RIOK1: variants seen among roughly 807,000 people sequenced by gnomAD.
RIOK1 encodes the protein serine/threonine-protein kinase RIO1.
RIOK1 carries 66 observed loss-of-function variants against 73.5 expected under a neutral mutation model. The ratio of observed to expected loss-of-function variants is 0.90; its 90% CI spans 0.74 to 1.10. The LOEUF is 1.10. Among genes scored for constraint, RIOK1 ranks in the 50% least tolerant of loss-of-function variants. The pLI is 0.00. For missense variants in RIOK1, 658 were observed against 699.8 expected, an observed-to-expected ratio of 0.94 and a Z score of 0.67; for synonymous variants, 224 against 226.8, an observed-to-expected ratio of 0.99 and a Z score of 0.11.
chr6:7,399,891 T>G (rs952535579), intron 5 of RIOK1, among the ~76,000 whole-genome samples: 4 of 152,200 alleles, frequency 2.6e-5, no homozygotes, highest in African/African-American at 9.7e-5. Flanking sequence ...AACCTTAGGT[T>G]TGTGGTGTGA....
chr6:7,410,921 G>A (rs1252479271), intron 13 of RIOK1, among the ~76,000 whole-genome samples: 1 of 152,040 alleles, frequency 6.6e-6, no homozygotes, highest in Non-Finnish European at 1.5e-5. Flanking sequence ...TGTGTTTGTC[G>A]GCAGCTCTCC....
In RIOK1 at chr6:7,417,583, C is replaced by T. The variant is rs546929201; in HGVS notation, c.*142C>T. The T allele has an allele frequency of 1.4e-3, 723 of 510,782 alleles. 2 individuals are homozygous for T. The highest frequency in any genetic ancestry group is 7.1e-3 in the Middle Eastern group (25 of 3,512). 31.6% of individuals were successfully genotyped at this position (510,782 alleles called of 1,614,324 possible). On this transcript the variant is annotated 3_prime_UTR_variant, in exon 17 of 17. Transcript: ENST00000379834. Reference sequence around the variant, plus strand: ...CTGTGAAGACGGATTCAAATGTTTTCATGTAACTATGTAAAAAGCTCTAAG... The same window carrying T: ...CTGTGAAGACGGATTCAAATGTTTTTATGTAACTATGTAAAAAGCTCTAAG...
intron 16 of RIOK1, among the ~76,000 whole-genome samples, chr6:7,414,618 C>G (rs1761956854): frequency 6.6e-6 from 1 of 152,122 alleles, no homozygotes; most frequent in African/African-American, 2.4e-5. Context: ...AGAGCACGCA[C>G]TAAATTCAGT....
At chr6:7,416,878 A>C (rs987355654) in intron 16 of RIOK1, among the ~76,000 whole-genome samples, 5 of 151,524 alleles carry the variant, frequency 3.3e-5, no homozygotes, top group African/African-American at 9.7e-5. Flanking sequence ...ACCCATAATC[A>C]TTTTCTTTTC....
chr6:7,398,725 A>G lies in RIOK1; in HGVS notation c.465A>G (p.Arg155=). 1 of 1,612,568 alleles carries G rather than the reference A, an allele frequency of 6.2e-7. No homozygotes were observed. Among genetic ancestry groups the G allele is most frequent in the Non-Finnish European group, 8.5e-7 (1 of 1,178,930 alleles). ...DMYRIKDKAD[R]ATVEQVLDPR... is the part of the protein sequence containing the mutation. ...ATCGCATCAAAGATAAGGCAGACAG[A>G]GCAACTGTAGAACAGGTACAATTTA... Residue 155 remains arginine, a synonymous_variant, in exon 5 of 17, where the codon AGA becomes AGG. Coordinates refer to ENST00000379834, the MANE Select transcript of RIOK1 (RefSeq NM_031480.3).
intron 4 of RIOK1, among the ~76,000 whole-genome samples, chr6:7,397,324 T>C (rs1287921109): frequency 1.3e-5 from 2 of 152,208 alleles, no homozygotes; most frequent in Non-Finnish European, 2.9e-5. Context: ...AAAAGTGTAA[T>C]CTCATGAAAT....
chr6:7,403,113 A>G (rs1761654491), intron 8 of RIOK1, among the ~76,000 whole-genome samples: 1 of 152,242 alleles, frequency 6.6e-6, no homozygotes, highest in African/African-American at 2.4e-5. Flanking sequence ...AATCCATTTC[A>G]AAAGAATACT....
At chr6:7,393,536 T>G (rs1475637465) in intron 2 of RIOK1, among the ~76,000 whole-genome samples, 1 of 152,236 alleles carries the variant, frequency 6.6e-6, no homozygotes, top group South Asian at 2.1e-4. Flanking sequence ...ATAAAGATTG[T>G]GAGCTTAAAA....
chr6:7,403,358 C>T (rs893918767), intron 8 of RIOK1, among the ~76,000 whole-genome samples: 1 of 152,170 alleles, frequency 6.6e-6, no homozygotes, highest in Admixed American at 6.6e-5. Flanking sequence ...TTTCTTAGTC[C>T]AGTTTTGGAC....
At chr6:7,394,947 C>G in intron 2 of RIOK1, 106 bp from the exon 3 acceptor site, 1 of 1,516,038 alleles carries the variant, frequency 6.6e-7, no homozygotes, top group Non-Finnish European at 9.0e-7. Context: ...AGATACTCCT[C>G]TAAGTATTGA....
chr6:7,410,602 A>G, intron 13 of RIOK1, 151 bp downstream of exon 13: 1 of 601,720 alleles, frequency 1.7e-6, no homozygotes. Flanking sequence ...ATAGTAAATG[A>G]TTTAAGTGAG....
intron 8 of RIOK1, 67 bp from the exon 9 acceptor site, chr6:7,403,874 C>G (rs1169675088): frequency 2.0e-6 from 2 of 991,366 alleles, no homozygotes; most frequent in African/African-American, 3.2e-5. Flanking sequence ...TTGGGACCTG[C>G]AGTTGTAATT....
At chr6:7,397,214 A>C (rs1761496704) in intron 4 of RIOK1, among the ~76,000 whole-genome samples, 1 of 152,206 alleles carries the variant, frequency 6.6e-6, no homozygotes, top group Non-Finnish European at 1.5e-5. Context: ...CAGTGAGCCA[A>C]GATCGTGCCA....
rs114626881 is a variant in RIOK1, at chr6:7,393,262, C to A, written c.235C>A (p.Leu79Ile). The A allele has an allele frequency of 6.2e-7, 1 of 1,614,058 alleles. No homozygotes were observed. Among genetic ancestry groups the A allele is most frequent in the Admixed American group, 1.7e-5 (1 of 60,012 alleles). Residue 79 changes from leucine (L) to isoleucine (I), a missense_variant, in exon 2 of 17, where the codon CTC (leucine) becomes ATC (isoleucine). Leu to Ile is a conservative substitution (Grantham distance 5). Coordinates refer to ENST00000379834, the MANE Select transcript of RIOK1 (RefSeq NM_031480.3). Reference sequence around the variant, plus strand: ...GGACTGGGATGAAGGAGTTGGAAAACTCGCCAAGGGTTATGTCTGGAATGG... The same window carrying A: ...GGACTGGGATGAAGGAGTTGGAAAAATCGCCAAGGGTTATGTCTGGAATGG... ...DWDWDEGVGKLAKGYVWNGGS... is the reference protein window; with the variant it reads ...DWDWDEGVGKIAKGYVWNGGS...
intron 13 of RIOK1, 121 bp downstream of exon 13, chr6:7,410,572 AT>A: frequency 1.5e-6 from 1 of 645,174 alleles, no homozygotes; most frequent in South Asian, 2.0e-5. Flanking sequence ...AATGATGGTA[AT>A]ATTTCCTTAA....
intron 1 of RIOK1, 181 bp from the exon 2 acceptor site, chr6:7,392,918 A>G (rs1212284921): frequency 4.8e-5 from 47 of 984,894 alleles, no homozygotes; most frequent in Admixed American, 6.1e-5. Flanking sequence ...CAACTGCAAC[A>G]GAACTGGAAA....
chr6:7,407,097 G>A (rs375717829), intron 12 of RIOK1, among the ~76,000 whole-genome samples: 34 of 152,340 alleles, frequency 2.2e-4, no homozygotes, highest in African/African-American at 7.5e-4. Context: ...CTATGAACAT[G>A]GATGTATAAA....
At chr6:7,410,849 GA>G (rs1457909471) in intron 13 of RIOK1, among the ~76,000 whole-genome samples, 2 of 151,992 alleles carry the variant, frequency 1.3e-5, no homozygotes, top group Non-Finnish European at 2.9e-5. Context: ...TTTTGTGAAG[GA>G]GCCATAGTAG....
At chr6:7,400,436 C>T (rs1423278625) in intron 5 of RIOK1, among the ~76,000 whole-genome samples, 1 of 152,166 alleles carries the variant, frequency 6.6e-6, no homozygotes, top group Non-Finnish European at 1.5e-5. Flanking sequence ...GAGATGTGGC[C>T]AGTCTGAATT....
Sources: allele counts gnomAD v4.1 joint callset (sites outside exome capture counted in the v4.1 genomes callset), GRCh38; gene constraint gnomAD v4.1.1; transcripts MANE v1.5; gene names NCBI Gene and HGNC (gene_info 2026-07-23, HGNC 2026-07-21).